LPAR3: variants seen among roughly 807,000 people sequenced by gnomAD.
The protein encoded by LPAR3 is lysophosphatidic acid receptor 3.
A neutral mutation model predicts 17.8 loss-of-function variants in LPAR3; 7 were observed. The observed-to-expected ratio is 0.39, with a 90% CI of 0.22 to 0.74. The LOEUF is 0.74. LPAR3 is among the 30% of genes least tolerant of loss of function. The pLI is 0.40. For synonymous variants in LPAR3, 179 were observed against 179.9 expected, an observed-to-expected ratio of 0.99 and a Z score of 0.04; for missense variants, 391 against 453.4, an observed-to-expected ratio of 0.86 and a Z score of 1.25.
chr1:84,856,175 A>C (rs1659817053), intron 2 of LPAR3, among the ~76,000 whole-genome samples: 2 of 152,180 alleles, frequency 1.3e-5, no homozygotes, highest in East Asian at 3.8e-4. Flanking sequence ...GCACACAGGA[A>C]AATCATCTGT....
At chr1:84,846,673 C>T (rs1659598522) in intron 2 of LPAR3, among the ~76,000 whole-genome samples, 1 of 152,044 alleles carries the variant, frequency 6.6e-6, no homozygotes, top group East Asian at 1.9e-4. Flanking sequence ...ATATTGTTTT[C>T]TCCTTTAGAT....
chr1:84,845,103 C>T (rs1659571738), intron 2 of LPAR3, among the ~76,000 whole-genome samples: 1 of 152,210 alleles, frequency 6.6e-6, no homozygotes, highest in South Asian at 2.1e-4. Flanking sequence ...AATCTGGTAA[C>T]TCCTCCAGGC....
chr1:84,887,520 A>G (rs547262370), intron 1 of LPAR3, among the ~76,000 whole-genome samples: 1 of 152,306 alleles, frequency 6.6e-6, no homozygotes, highest in South Asian at 2.1e-4. Flanking sequence ...GTTCCCCACA[A>G]ACACTAGTAC....
intron 2 of LPAR3, among the ~76,000 whole-genome samples, chr1:84,828,661 C>T (rs748454221): frequency 2.6e-5 from 4 of 152,128 alleles, no homozygotes; most frequent in Non-Finnish European, 5.9e-5. Flanking sequence ...CTTGGCTGTC[C>T]CATGGCCACC....
chr1:84,866,950 G>A (rs1660063616), intron 1 of LPAR3, among the ~76,000 whole-genome samples: 1 of 152,194 alleles, frequency 6.6e-6, no homozygotes. Flanking sequence ...GCAGGTGGAG[G>A]AGGATCGGGC....
intron 2 of LPAR3, among the ~76,000 whole-genome samples, chr1:84,815,281 C>T (rs954391765): frequency 1.2e-4 from 18 of 152,150 alleles, no homozygotes; most frequent in Admixed American, 7.9e-4. Context: ...TGGTTGCTTT[C>T]GGCGAATGTC....
intron 2 of LPAR3, among the ~76,000 whole-genome samples, chr1:84,852,191 T>C (rs1051228465): frequency 6.6e-6 from 1 of 151,888 alleles, no homozygotes; most frequent in Non-Finnish European, 1.5e-5. Flanking sequence ...CAAGCGATTT[T>C]CCTGCCTCAG....
chr1:84,876,868 T>C (rs1230810932), intron 1 of LPAR3, among the ~76,000 whole-genome samples: 2 of 152,250 alleles, frequency 1.3e-5, no homozygotes, highest in Non-Finnish European at 2.9e-5. Flanking sequence ...CCCAAGGGCA[T>C]GGACCAGTAG....
intron 2 of LPAR3, among the ~76,000 whole-genome samples, chr1:84,858,116 CT>C (rs1006735122): frequency 6.6e-5 from 10 of 152,232 alleles, no homozygotes; most frequent in East Asian, 1.9e-4. Context: ...ATGCTCATTT[CT>C]TTTCTCCTTC....
intron 2 of LPAR3, among the ~76,000 whole-genome samples, chr1:84,856,101 C>T (rs191663856): frequency 1.4e-4 from 22 of 152,276 alleles, no homozygotes; most frequent in African/African-American, 5.1e-4. Context: ...TTGCACCCAC[C>T]GATTGACGGC....
At position 84,834,506 on chromosome 1, in the gene LPAR3, G is replaced by GGTT. The variant is rs570745110; in HGVS notation, c.737-20338_737-20336dup. ...CTATGGGTCCATTTTACTGAACAGA[G>GGTT]GTTTTATTATGAATCACCTTGTTTG... On this transcript the variant is annotated intron_variant, in intron 2 of 2. Coordinates refer to ENST00000370611, the MANE Select transcript of LPAR3 (RefSeq NM_012152.3). 3.5e-3 allele frequency among the ~76,000 whole-genome samples: 540 copies of GGTT among 152,252 alleles called. 1 individual carries two copies. The highest frequency in any genetic ancestry group is 6.8e-3 in the Middle Eastern group (2 of 294).
At chr1:84,815,058 G>A (rs910376991) in intron 2 of LPAR3, among the ~76,000 whole-genome samples, 10 of 152,084 alleles carry the variant, frequency 6.6e-5, no homozygotes, top group African/African-American at 2.2e-4. Context: ...TACTATAAGC[G>A]AGGCACTGGT....
chr1:84,818,503 G>A (rs1658984660), intron 2 of LPAR3, among the ~76,000 whole-genome samples: 1 of 152,148 alleles, frequency 6.6e-6, no homozygotes, highest in African/African-American at 2.4e-5. Context: ...CCTTTTTTGA[G>A]TGTGTGTGCG....
chr1:84,849,152 G>A (rs191224354), intron 2 of LPAR3, among the ~76,000 whole-genome samples: 2,640 of 152,030 alleles, frequency 0.017, 37 homozygotes, highest in South Asian at 0.035. Context: ...TGAGGCGGGC[G>A]GATCACGAGG....
chr1:84,874,582 G>A (rs75357116), intron 1 of LPAR3, among the ~76,000 whole-genome samples: 2,124 of 152,246 alleles, frequency 0.014, 47 homozygotes, highest in African/African-American at 0.049. Context: ...AATAAAAGAG[G>A]TGACAGATGA....
At chr1:84,887,635 G>A (rs1660485309) in intron 1 of LPAR3, among the ~76,000 whole-genome samples, 1 of 152,164 alleles carries the variant, frequency 6.6e-6, no homozygotes, top group African/African-American at 2.4e-5. Context: ...AGGTGATTGA[G>A]GTCAATATCC....
chr1:84,826,322 C>A (rs1316556903), intron 2 of LPAR3, among the ~76,000 whole-genome samples: 1 of 152,046 alleles, frequency 6.6e-6, no homozygotes, highest in East Asian at 1.9e-4. Context: ...TCAACAAGAA[C>A]TTTCAGCTTT....
At chr1:84,838,189 C>T (rs887710362) in intron 2 of LPAR3, among the ~76,000 whole-genome samples, 12 of 152,100 alleles carry the variant, frequency 7.9e-5, no homozygotes, top group South Asian at 2.1e-4. Flanking sequence ...AGGTATCTGA[C>T]GGTGAGGATC....
chr1:84,824,281 C>A (rs763945248), intron 2 of LPAR3, among the ~76,000 whole-genome samples: 76 of 152,084 alleles, frequency 5.0e-4, no homozygotes, highest in Non-Finnish European at 6.3e-4. Context: ...AGAGATGGGC[C>A]TGGAAGAACT....
Sources: gnomAD v4.1 joint callset for allele counts (sites outside exome capture counted in the v4.1 genomes callset) on GRCh38, gnomAD v4.1.1 for gene constraint, MANE v1.5 for transcripts, NCBI Gene and HGNC (gene_info 2026-07-23, HGNC 2026-07-21) for gene names.